TBXAS1: variants seen among roughly 807,000 people sequenced by gnomAD.
The protein encoded by TBXAS1 is thromboxane A synthase 1, also known as thromboxane-A synthase.
A neutral mutation model predicts 60.7 loss-of-function variants in TBXAS1; 48 were observed. The observed-to-expected ratio is 0.79, with a 90% CI of 0.63 to 1.01. The LOEUF (loss-of-function observed/expected upper bound fraction) is 1.01, where lower values mean the gene tolerates loss of function less well. Among genes scored for constraint, TBXAS1 ranks in the 50% least tolerant of loss-of-function variants. The probability of loss-of-function intolerance (pLI) is 0.00; values close to 1 mark genes in which losing one functional copy is unlikely to be tolerated. For synonymous variants in TBXAS1, 287 were observed against 269.7 expected (o/e 1.06, Z -0.63); for missense variants, 685 against 686.3 (o/e 1.00, Z 0.02).
intron 9 of TBXAS1, among the ~76,000 whole-genome samples, chr7:139,974,504 G>A (rs964286712): frequency 2.6e-5 from 4 of 152,064 alleles, no homozygotes; most frequent in African/African-American, 7.2e-5. Context: ...CATCATCCCC[G>A]CCATGAGAGC....
At chr7:139,941,435 T>G (rs1359651231) in intron 5 of TBXAS1, among the ~76,000 whole-genome samples, 1 of 12,938 alleles carries the variant, frequency 7.7e-5, no homozygotes, top group African/African-American at 1.0e-3. Flanking sequence ...TTAAAATTGT[T>G]TTTTTTTTTT....
chr7:139,888,434 T>C (rs1400638605), intron 3 of TBXAS1, among the ~76,000 whole-genome samples: 1 of 152,242 alleles, frequency 6.6e-6, no homozygotes, highest in Non-Finnish European at 1.5e-5. Context: ...ATCTCTGGGC[T>C]TCCTACCTTG....
intron 4 of TBXAS1, among the ~76,000 whole-genome samples, chr7:139,808,602 T>G (rs1306391811): frequency 3.9e-5 from 6 of 152,206 alleles, no homozygotes; most frequent in Admixed American, 2.0e-4. Flanking sequence ...TCCAGCGTGC[T>G]CCTGGCTCCC....
At chr7:139,811,801 T>A (rs946250268) in intron 4 of TBXAS1, among the ~76,000 whole-genome samples, 1 of 152,240 alleles carries the variant, frequency 6.6e-6, no homozygotes, top group African/African-American at 2.4e-5. Context: ...CTGTTGTGAA[T>A]GAGAAATGCC....
chr7:140,000,032 G>A (rs1003753754), intron 9 of TBXAS1, among the ~76,000 whole-genome samples: 1 of 152,070 alleles, frequency 6.6e-6, no homozygotes, highest in Non-Finnish European at 1.5e-5. Flanking sequence ...GTAGGTGTGT[G>A]ACTGTGTGTG....
chr7:139,986,753 ATATG>A (rs1812501936), intron 9 of TBXAS1, among the ~76,000 whole-genome samples: 1 of 52,264 alleles, frequency 1.9e-5, no homozygotes, highest in African/African-American at 6.3e-5. Context: ...ACATATATAT[ATATG>A]TGTGTGTGTG....
intron 9 of TBXAS1, among the ~76,000 whole-genome samples, chr7:139,964,440 C>T (rs771681249): frequency 4.6e-5 from 7 of 152,144 alleles, no homozygotes; most frequent in South Asian, 4.2e-4. Flanking sequence ...CCCTGATAGG[C>T]TTACACCAAT....
chr7:139,833,143 C>T (rs1421581369), intron 1 of TBXAS1, among the ~76,000 whole-genome samples: 1 of 152,160 alleles, frequency 6.6e-6, no homozygotes, highest in Non-Finnish European at 1.5e-5. Flanking sequence ...CCTCACATTT[C>T]AATACTAACA....
At chr7:139,946,616 G>T (rs934252515) in intron 5 of TBXAS1, among the ~76,000 whole-genome samples, 8 of 152,144 alleles carry the variant, frequency 5.3e-5, no homozygotes, top group African/African-American at 1.9e-4. Context: ...TTGTCCCTGA[G>T]GAACAAGAAA....
At chr7:139,878,956 A>C (rs1377879388) in intron 3 of TBXAS1, among the ~76,000 whole-genome samples, 2 of 152,146 alleles carry the variant, frequency 1.3e-5, no homozygotes, top group Non-Finnish European at 2.9e-5. Flanking sequence ...TTGGGAGAAA[A>C]ATGGACAGGG....
chr7:139,994,472 C>T (rs1421403754), intron 9 of TBXAS1, among the ~76,000 whole-genome samples: 1 of 152,160 alleles, frequency 6.6e-6, no homozygotes, highest in Non-Finnish European at 1.5e-5. Context: ...AATCTGGTAC[C>T]AGTCACCATT....
At chr7:139,966,715 TG>T (rs34672482) in intron 9 of TBXAS1, among the ~76,000 whole-genome samples, 7 of 152,244 alleles carry the variant, frequency 4.6e-5, no homozygotes, top group Non-Finnish European at 1.5e-5. Flanking sequence ...CTGGTCATTT[TG>T]GGGGGCATTA....
chr7:139,956,951 C>A (rs902226392), intron 7 of TBXAS1, among the ~76,000 whole-genome samples: 1 of 152,260 alleles, frequency 6.6e-6, no homozygotes, highest in African/African-American at 2.4e-5. Context: ...GCCCAGCTCC[C>A]ATAGAGCCCG....
At chr7:139,790,651 A>C (rs1252947906) in intron 4 of TBXAS1, among the ~76,000 whole-genome samples, 3 of 152,242 alleles carry the variant, frequency 2.0e-5, no homozygotes, top group Non-Finnish European at 4.4e-5. Flanking sequence ...GCAAAAATTC[A>C]AATGGCAGAC....
chr7:139,809,675 A>G (rs1251049183), intron 4 of TBXAS1, among the ~76,000 whole-genome samples: 2 of 152,214 alleles, frequency 1.3e-5, no homozygotes, highest in Admixed American at 6.5e-5. Flanking sequence ...TCCAAAGGCC[A>G]GAGATCTTGG....
intron 2 of TBXAS1, among the ~76,000 whole-genome samples, chr7:139,781,062 A>G (rs55700662): frequency 0.072 from 10,935 of 152,296 alleles, 1,326 homozygotes; most frequent in African/African-American, 0.25. Context: ...TGGGCAAGGA[A>G]ATAGAGTCCC....
intron 9 of TBXAS1, among the ~76,000 whole-genome samples, chr7:139,988,446 T>C (rs140671480): frequency 1.4e-3 from 216 of 152,370 alleles, no homozygotes; most frequent in Admixed American, 2.0e-3. Flanking sequence ...CATCATCTAA[T>C]GACACAGTGA....
chr7:139,930,509 C>T (rs986748253), intron 4 of TBXAS1, among the ~76,000 whole-genome samples: 3 of 152,114 alleles, frequency 2.0e-5, no homozygotes, highest in African/African-American at 7.2e-5. Flanking sequence ...CACATGGAGC[C>T]AATATTTGAA....
rs1221299879 is a variant in TBXAS1, at chr7:139,936,228, TTC to T, written c.373_374del (p.Leu125ValfsTer4). ...GAGTTCAAGTCGGTAGCCGACAGCGTTCTGTTTTTACGTGACAAAAGATGGGA... is the reference window on the plus strand; with the variant it reads ...GAGTTCAAGTCGGTAGCCGACAGCGTTGTTTTTACGTGACAAAAGATGGGA... On this transcript the variant is annotated frameshift_variant, in exon 5 of 13. Coordinates refer to ENST00000448866, the MANE Select transcript of TBXAS1 (RefSeq NM_001061.7). LOFTEE classifies it high-confidence loss of function. 3.7e-5 allele frequency: 60 copies of T among 1,614,108 alleles called. No homozygotes were observed. Among genetic ancestry groups the T allele is most frequent in the Non-Finnish European group, 4.6e-5 (54 of 1,180,050 alleles).
Sources: allele counts gnomAD v4.1 joint callset (sites outside exome capture counted in the v4.1 genomes callset), GRCh38; gene constraint gnomAD v4.1.1; transcripts MANE v1.5; gene names NCBI Gene and HGNC (gene_info 2026-07-23, HGNC 2026-07-21).